The following TRERF1 variants were observed in gnomAD, a reference collection of about 807,000 sequenced individuals.
TRERF1 encodes the protein transcriptional regulating factor 1.
Under a neutral mutation model 122.9 loss-of-function variants are expected in TRERF1, and 27 were observed. That is an observed-to-expected ratio of 0.22 (90% confidence interval 0.16 to 0.30). The LOEUF is 0.30. Among genes scored for constraint, TRERF1 ranks in the 10% least tolerant of loss-of-function variants. The pLI, the probability that TRERF1 is intolerant of heterozygous loss-of-function variation, is 1.00. For missense variants in TRERF1, 1,248 were observed against 1,560.3 expected (o/e 0.80, Z 3.37); for synonymous variants, 636 against 641.7 (o/e 0.99, Z 0.13).
intron 2 of TRERF1, among the ~76,000 whole-genome samples, chr6:42,388,384 ACGAGCTCAGC>A (rs1333588395): frequency 6.6e-6 from 1 of 152,158 alleles, no homozygotes; most frequent in East Asian, 1.9e-4. Context: ...TAGGAAAAAT[ACGAGCTCAGC>A]ACACTTACAC....
chr6:42,393,018 G>A lies in TRERF1; in HGVS notation c.-453-29939C>T, dbSNP rs546701084. 7.9e-5 allele frequency among the ~76,000 whole-genome samples: 12 copies of A among 152,072 alleles called. No individual in the cohort carries two copies. Among genetic ancestry groups the A allele is most frequent in the East Asian group, 7.7e-4 (4 of 5,168 alleles). ...CTATGGCGTTTCAAGCTGCCGACGC[G>A]AGGGCCACTGGACATGGAGTTGGGA... is the stretch of plus-strand genomic sequence containing the variant. On this transcript the variant is annotated intron_variant, in intron 2 of 17. Transcript: ENST00000372922. This position sits in a 1 kb window ranked among gnomAD's most constrained non-coding sequence, Gnocchi z 4.1.
intron 2 of TRERF1, among the ~76,000 whole-genome samples, chr6:42,396,446 T>G: frequency 6.6e-6 from 1 of 152,150 alleles, no homozygotes; most frequent in Non-Finnish European, 1.5e-5. Context: ...TACACAGTGC[T>G]AAATTTACCC....
At chr6:42,362,434 CT>C (rs1365690481) in intron 3 of TRERF1, among the ~76,000 whole-genome samples, 1 of 152,200 alleles carries the variant, frequency 6.6e-6, no homozygotes, top group Non-Finnish European at 1.5e-5. Flanking sequence ...GAAATAAAAG[CT>C]TAAAATTCTA....
At chr6:42,426,559 C>T (rs184455522) in intron 2 of TRERF1, among the ~76,000 whole-genome samples, 1 of 152,158 alleles carries the variant, frequency 6.6e-6, no homozygotes, top group African/African-American at 2.4e-5. Context: ...ATGAAAACTC[C>T]ATGTGGGTCA....
chr6:42,448,215 C>T (rs912444048), intron 2 of TRERF1, among the ~76,000 whole-genome samples: 3 of 152,190 alleles, frequency 2.0e-5, no homozygotes, highest in Admixed American at 6.5e-5. Context: ...CAGTTTCTCC[C>T]CAAAGCTATC....
intron 11 of TRERF1, 50 bp downstream of exon 11, chr6:42,256,913 C>T (rs764814428): frequency 1.4e-5 from 23 of 1,613,290 alleles, no homozygotes; most frequent in Non-Finnish European, 8.5e-7. Context: ...CCAGTGATCT[C>T]AGTGAGAGAA....
intron 2 of TRERF1, among the ~76,000 whole-genome samples, chr6:42,432,708 G>A (rs1158351309): frequency 6.6e-6 from 1 of 152,038 alleles, no homozygotes; most frequent in East Asian, 1.9e-4. Flanking sequence ...CAGACGTGGT[G>A]GCAGGCGCCT....
intron 2 of TRERF1, among the ~76,000 whole-genome samples, chr6:42,388,763 T>C (rs1777222896): frequency 6.6e-6 from 1 of 152,216 alleles, no homozygotes. Context: ...AGTCTCATGC[T>C]CTATGTGTTC....
chr6:42,373,162 G>A (rs187812494), intron 2 of TRERF1, among the ~76,000 whole-genome samples: 1 of 152,236 alleles, frequency 6.6e-6, no homozygotes, highest in Non-Finnish European at 1.5e-5. Context: ...TGTGGCCGGG[G>A]CACTTTCTTC....
intron 3 of TRERF1, among the ~76,000 whole-genome samples, chr6:42,302,362 G>A (rs929068241): frequency 2.6e-5 from 4 of 152,146 alleles, no homozygotes; most frequent in Non-Finnish European, 4.4e-5. Context: ...CCATTTGAAT[G>A]TTTAAGAGAA....
At chr6:42,337,252 C>T (rs1468168147) in intron 3 of TRERF1, among the ~76,000 whole-genome samples, 1 of 152,206 alleles carries the variant, frequency 6.6e-6, no homozygotes, top group African/African-American at 2.4e-5. Context: ...CAGCTGTGTG[C>T]AGCCCGAGGG....
At chr6:42,434,808 G>A (rs1785046288) in intron 2 of TRERF1, among the ~76,000 whole-genome samples, 1 of 152,044 alleles carries the variant, frequency 6.6e-6, no homozygotes, top group Non-Finnish European at 1.5e-5. Flanking sequence ...GTAAGTATGT[G>A]GATTAATCTA....
intron 3 of TRERF1, among the ~76,000 whole-genome samples, chr6:42,323,673 GA>G (rs11302908): frequency 0.14 from 21,968 of 152,110 alleles, 3,172 homozygotes; most frequent in African/African-American, 0.37. Context: ...AGCACCCAGT[GA>G]AAAAGTGCAA....
At chr6:42,262,156 C>T (rs558755966) in intron 8 of TRERF1, among the ~76,000 whole-genome samples, 1 of 152,104 alleles carries the variant, frequency 6.6e-6, no homozygotes, top group Non-Finnish European at 1.5e-5. Flanking sequence ...CTGTTGCTGA[C>T]CCCCAAGTCC....
chr6:42,403,749 A>G (rs1779753827), intron 2 of TRERF1, among the ~76,000 whole-genome samples: 1 of 152,212 alleles, frequency 6.6e-6, no homozygotes, highest in African/African-American at 2.4e-5. Flanking sequence ...GATTGTAAGC[A>G]GCAGAATGGG....
chr6:42,233,747 C>T (rs1467150589), intron 16 of TRERF1, among the ~76,000 whole-genome samples: 5 of 152,144 alleles, frequency 3.3e-5, no homozygotes, highest in Non-Finnish European at 1.5e-5. Flanking sequence ...GGAGACAGTG[C>T]CCCAGAATTG....
chr6:42,250,700 T>C (rs907877595), intron 13 of TRERF1, among the ~76,000 whole-genome samples: 1 of 152,100 alleles, frequency 6.6e-6, no homozygotes, highest in Non-Finnish European at 1.5e-5. Context: ...TTCCTGGCTA[T>C]TGGGCTATTA....
At chr6:42,425,144 G>T (rs1206713943) in intron 2 of TRERF1, among the ~76,000 whole-genome samples, 1 of 152,062 alleles carries the variant, frequency 6.6e-6, no homozygotes, top group Non-Finnish European at 1.5e-5. Context: ...AGAGGGTGGG[G>T]GCAAAGTCCA....
chr6:42,448,452 A>C (rs1277417813), intron 2 of TRERF1, among the ~76,000 whole-genome samples: 1 of 152,230 alleles, frequency 6.6e-6, no homozygotes, highest in Non-Finnish European at 1.5e-5. Context: ...TTTGATGGTC[A>C]AGATCACCAG....
Sources: allele counts gnomAD v4.1 joint callset (sites outside exome capture counted in the v4.1 genomes callset), GRCh38; gene constraint gnomAD v4.1.1; non-coding constraint Gnocchi (gnomAD v3.1); transcripts MANE v1.5; gene names NCBI Gene and HGNC (gene_info 2026-07-23, HGNC 2026-07-21).